RIMBP2: variants seen among roughly 807,000 people sequenced by gnomAD.
The protein encoded by RIMBP2 is RIMS-binding protein 2.
RIMBP2 carries 48 observed loss-of-function variants against 118.6 expected under a neutral mutation model. The ratio of observed to expected loss-of-function variants is 0.40; its 90% confidence interval spans 0.32 to 0.51. The LOEUF is 0.51. RIMBP2 is among the 20% of genes least tolerant of loss of function. The pLI is 0.41. For missense variants in RIMBP2, 1,551 were observed against 1,768.3 expected, an observed-to-expected ratio of 0.88 and a Z score of 2.20; for synonymous variants, 762 against 742.9, an observed-to-expected ratio of 1.03 and a Z score of -0.42.
chr12:130,461,456 G>A (rs1375721167), intron 6 of RIMBP2, among the ~76,000 whole-genome samples: 5 of 152,180 alleles, frequency 3.3e-5, no homozygotes, highest in Non-Finnish European at 7.3e-5. Flanking sequence ...CAAAGACAAA[G>A]CTAAAGCTTC....
In RIMBP2 at chr12:130,688,717, C is replaced by T. The variant is rs1374724779; in HGVS notation, c.-352+27505G>A. On this transcript the variant is annotated intron_variant, in intron 1 of 22. Transcript: ENST00000690449. This position sits in a 1 kb window ranked among gnomAD's most constrained non-coding sequence, Gnocchi z 4.7. ...CACTAAAACCCCACATTCTAAAGACCCCAAAACAGAGGCCACATGGCCCCC... is the reference window on the plus strand; with the variant it reads ...CACTAAAACCCCACATTCTAAAGACTCCAAAACAGAGGCCACATGGCCCCC... Among the ~76,000 whole-genome samples the T allele has an allele frequency of 2.0e-5, 3 of 152,220 alleles. No homozygotes were observed. Among genetic ancestry groups the T allele is most frequent in the African/African-American group, 7.2e-5 (3 of 41,468 alleles).
chr12:130,529,986 G>T (rs1044457685), intron 2 of RIMBP2, among the ~76,000 whole-genome samples: 13 of 152,184 alleles, frequency 8.5e-5, no homozygotes, highest in Non-Finnish European at 1.8e-4. Context: ...GACCTGTGCT[G>T]GTCCATGGCC....
At position 130,670,733 on chromosome 12, in the gene RIMBP2, G is replaced by A. The variant is rs2064158509; in HGVS notation, c.-351-42277C>T. On this transcript the variant is annotated intron_variant, in intron 1 of 22. Transcript: ENST00000690449. The surrounding 1 kb of genome is among the most constrained non-coding windows in gnomAD (Gnocchi z 4.9). ...GGCATAGATCCACCCACCAGCTCAT[G>A]AGAAGTCTGTTAAAGAAGATTTAGG... is the stretch of plus-strand genomic sequence containing the variant. 6.6e-6 allele frequency among the ~76,000 whole-genome samples: 1 copy of A among 152,172 alleles called. No homozygotes were observed. The highest frequency in any genetic ancestry group is 2.4e-5 in the African/African-American group (1 of 41,446).
chr12:130,674,848 G>A (rs536060089), intron 1 of RIMBP2, among the ~76,000 whole-genome samples: 2 of 152,108 alleles, frequency 1.3e-5, no homozygotes, highest in South Asian at 2.1e-4. Context: ...GGTCGTATAC[G>A]TGGGATCCTG....
rs1233910556 is a variant in RIMBP2, at chr12:130,475,686, A to G, written c.102+3226T>C. On this transcript the variant is annotated intron_variant, in intron 5 of 22. Transcript: ENST00000690449. The surrounding 1 kb of genome is among the most constrained non-coding windows in gnomAD (Gnocchi z 4.1). Reference sequence around the variant, plus strand: ...GAGACTCTCTTGAGAGGAATTTTACAGCTTCAGCAGGGTATTGGGGAACAA... The same window carrying G: ...GAGACTCTCTTGAGAGGAATTTTACGGCTTCAGCAGGGTATTGGGGAACAA... Among the ~76,000 whole-genome samples, 1 of 152,124 alleles carries G rather than the reference A, an allele frequency of 6.6e-6. No homozygotes were observed. Among genetic ancestry groups the G allele is most frequent in the Non-Finnish European group, 1.5e-5 (1 of 68,034 alleles).
In RIMBP2 at chr12:130,710,433, CAT is replaced by C. The variant is rs1491032152; in HGVS notation, c.-352+5787_-352+5788del. Among the ~76,000 whole-genome samples, 2 of 152,096 alleles carry C rather than the reference CAT, an allele frequency of 1.3e-5. No homozygotes were observed. Among genetic ancestry groups the C allele is most frequent in the Non-Finnish European group, 2.9e-5 (2 of 68,014 alleles). On this transcript the variant is annotated intron_variant, in intron 1 of 22. Transcript: ENST00000690449. This position sits in a 1 kb window ranked among gnomAD's most constrained non-coding sequence, Gnocchi z 4.3. ...GTTGTCTTACACATGCACACACACACATACACGCAGGCGCACACACACACATA... is the reference window on the plus strand; with the variant it reads ...GTTGTCTTACACATGCACACACACACACACGCAGGCGCACACACACACATA...
intron 2 of RIMBP2, among the ~76,000 whole-genome samples, chr12:130,557,469 TG>T (rs2056460708): frequency 6.6e-6 from 1 of 152,172 alleles, no homozygotes; most frequent in Admixed American, 6.5e-5. Flanking sequence ...CCCACCCTAG[TG>T]GGGTGAGCTG....
chr12:130,672,237 G>A (rs1205231236), intron 1 of RIMBP2, among the ~76,000 whole-genome samples: 1 of 152,198 alleles, frequency 6.6e-6, no homozygotes, highest in Non-Finnish European at 1.5e-5. Context: ...TTCCACAGAT[G>A]GAGACAAAGA....
rs111570713 is a variant in RIMBP2, at chr12:130,661,116, G to A, written c.-351-32660C>T. 4.4e-3 allele frequency among the ~76,000 whole-genome samples: 666 copies of A among 152,262 alleles called. 3 individuals carry two copies. The highest frequency in any genetic ancestry group is 0.014 in the African/African-American group (598 of 41,556). The stretch of plus-strand genomic sequence containing the variant: ...ACCTTAAAACCAGAATAACTGCCGC[G>A]GTGGACAGCTGCCATTCGCAGTCTG... On this transcript the variant is annotated intron_variant, in intron 1 of 22. Transcript: ENST00000690449.
intron 2 of RIMBP2, among the ~76,000 whole-genome samples, chr12:130,549,289 G>A (rs552122367): frequency 1.9e-4 from 29 of 152,276 alleles, no homozygotes; most frequent in African/African-American, 6.5e-4. Context: ...GGAATGATAC[G>A]ACGACAGTTT....
intron 21 of RIMBP2, among the ~76,000 whole-genome samples, chr12:130,402,903 GCA>G (rs2074776514): frequency 6.6e-6 from 1 of 152,226 alleles, no homozygotes; most frequent in South Asian, 2.1e-4. Flanking sequence ...AGCAAGAACA[GCA>G]CACGCTTTAA....
chr12:130,580,144 A>C (rs1196038009), intron 2 of RIMBP2, among the ~76,000 whole-genome samples: 1 of 151,576 alleles, frequency 6.6e-6, no homozygotes, highest in Non-Finnish European at 1.5e-5. Context: ...GTTGCAGTGA[A>C]CCAAGATCAC....
chr12:130,493,718 A>C lies in RIMBP2; in HGVS notation c.-4+12930T>G, dbSNP rs147301075. ...TCAATATACATATTTAAATTTAAAC[A>C]ATCTACTCAGAATTAAAACTTGCCA... is the stretch of plus-strand genomic sequence containing the variant. On this transcript the variant is annotated intron_variant, in intron 4 of 22. Coordinates refer to ENST00000690449, the MANE Select transcript of RIMBP2 (RefSeq NM_001393629.1). Among the ~76,000 whole-genome samples the C allele has an allele frequency of 7.2e-4, 109 of 152,328 alleles. 1 individual carries two copies. Among genetic ancestry groups the C allele is most frequent in the African/African-American group, 2.4e-3 (101 of 41,572 alleles).
At chr12:130,438,336 C>CCT (rs1566034450) in intron 12 of RIMBP2, 29 bp downstream of exon 12, 1 of 844,140 alleles carries the variant, frequency 1.2e-6, no homozygotes, top group South Asian at 1.3e-5. Context: ...GCCTAACAAA[C>CCT]CCTCCCCACC....
rs374466651 is a variant in RIMBP2, at chr12:130,630,993, G to A, written c.-351-2537C>T. Among the ~76,000 whole-genome samples the A allele has an allele frequency of 2.6e-5, 4 of 152,116 alleles. No homozygotes were observed. In the East Asian group the frequency reaches 7.7e-4, roughly 29 times the overall value. Reference sequence around the variant, plus strand: ...TAAAAGGGAAAGCCACGGGATCCAGGAAACAACAAATCCTACCCTAAACAG... The same window carrying A: ...TAAAAGGGAAAGCCACGGGATCCAGAAAACAACAAATCCTACCCTAAACAG... On this transcript the variant is annotated intron_variant, in intron 1 of 22. Coordinates refer to ENST00000690449, the MANE Select transcript of RIMBP2 (RefSeq NM_001393629.1).
chr12:130,671,386 C>T (rs117488398), intron 1 of RIMBP2, among the ~76,000 whole-genome samples: 343 of 152,340 alleles, frequency 2.3e-3, no homozygotes, highest in Non-Finnish European at 3.5e-3. Context: ...ATCATCTCTA[C>T]CACGTTTCTC....
rs1415749661 is a variant in RIMBP2, at chr12:130,646,113, CCCTCACCACCTG to C, written c.-351-17669_-351-17658del. On this transcript the variant is annotated intron_variant, in intron 1 of 22. Transcript: ENST00000690449. ...TCCCTCTCCACCTCCCTCTCCACCT[CCCTCACCACCTG>C]CCTCTCCACCTCCCTCACCACCTGC... Among the ~76,000 whole-genome samples, 89 of 119,516 alleles carry C rather than the reference CCCTCACCACCTG, an allele frequency of 7.4e-4. 7 individuals carry two copies. The highest frequency in any genetic ancestry group is 4.2e-3 in the East Asian group (18 of 4,294). The allele number at this position is 119,516 out of a possible 152,430, so 78.4% of individuals were successfully genotyped here.
At chr12:130,558,662 G>A (rs2056568131) in intron 2 of RIMBP2, among the ~76,000 whole-genome samples, 1 of 152,190 alleles carries the variant, frequency 6.6e-6, no homozygotes, top group Non-Finnish European at 1.5e-5. Context: ...ACAGGGTTGG[G>A]TGTGCAGTCA....
Position 130,567,605 on chromosome 12 carries a change from G to A in RIMBP2, c.-216-49688C>T, listed in dbSNP as rs182865435. The stretch of plus-strand genomic sequence containing the variant: ...CCCCCACATAACTGGGCATCGGCAC[G>A]TCCCTGGGAAGGGGCAGCAGGTTCC... On this transcript the variant is annotated intron_variant, in intron 2 of 22. Transcript: ENST00000690449. Among the ~76,000 whole-genome samples, 57 of 152,248 alleles carry A rather than the reference G, an allele frequency of 3.7e-4. No individual in the cohort carries two copies. The East Asian group carries it at 5.4e-3, about 14-fold the overall frequency.
Sources: allele counts gnomAD v4.1 joint callset (sites outside exome capture counted in the v4.1 genomes callset), GRCh38; gene constraint gnomAD v4.1.1; non-coding constraint Gnocchi (gnomAD v3.1); transcripts MANE v1.5; gene names NCBI Gene and HGNC (gene_info 2026-07-23, HGNC 2026-07-21).